The following B4GALT1 variants were observed in gnomAD, a reference collection of about 807,000 sequenced individuals.
B4GALT1 encodes the protein beta-1,4-galactosyltransferase 1, also known as N-acetyllactosamine synthase.
B4GALT1 carries 16 observed loss-of-function variants against 34.9 expected under a neutral mutation model. The observed-to-expected ratio is 0.46, with a 90% confidence interval of 0.31 to 0.70. The LOEUF (loss-of-function observed/expected upper bound fraction) is 0.70. Ranked by LOEUF, B4GALT1 falls within the 30% of genes least tolerant of loss-of-function variation. B4GALT1 has a pLI of 0.05. For synonymous variants in B4GALT1, 221 were observed against 218.1 expected (o/e 1.01, Z -0.12); for missense variants, 445 against 530.5 (o/e 0.84, Z 1.58).
At chr9:33,172,663 A>C in the B4GALT1 span, among the ~76,000 whole-genome samples, 139 of 152,326 alleles carry the variant, frequency 9.1e-4, 1 homozygote, top group African/African-American at 3.2e-3. Context: ...AGCTGGGTGC[A>C]GTGGCTCACG....
At chr9:33,131,008 C>G (rs979530181) in intron 2 of B4GALT1, among the ~76,000 whole-genome samples, 1 of 152,130 alleles carries the variant, frequency 6.6e-6, no homozygotes, top group African/African-American at 2.4e-5. Context: ...CCTCATAACC[C>G]TCCCCACCAA....
At chr9:33,171,617 T>G (rs192924846), upstream of B4GALT1, among the ~76,000 whole-genome samples, 8 of 152,236 alleles carry the variant, frequency 5.3e-5, no homozygotes, top group Non-Finnish European at 8.8e-5. Context: ...TGCAGTGGTG[T>G]GATCATAGGT....
At chr9:33,169,968 ATTTTT>A (rs74178857), upstream of B4GALT1, among the ~76,000 whole-genome samples, 1 of 120,490 alleles carries the variant, frequency 8.3e-6, no homozygotes, top group African/African-American at 3.3e-5. Context: ...CAGCCCCTAG[ATTTTT>A]TTTTTTTTTT....
chr9:33,183,934 G>T, the B4GALT1 span, among the ~76,000 whole-genome samples: 1 of 151,832 alleles, frequency 6.6e-6, no homozygotes, highest in Non-Finnish European at 1.5e-5. Context: ...ACCAAACACC[G>T]CATGTTCTCA....
In B4GALT1 at chr9:33,112,650, CATT is replaced by C. The variant is rs1839880010; in HGVS notation, c.*801_*803del. ...AGAAAAATAAATTGTCATGACTTAACATTAAACAGCTATGCAAATTTGGATCAA... is the reference window on the plus strand; with the variant it reads ...AGAAAAATAAATTGTCATGACTTAACAAACAGCTATGCAAATTTGGATCAA... On this transcript the variant is annotated 3_prime_UTR_variant, in exon 6 of 6. Coordinates refer to ENST00000379731, the MANE Select transcript of B4GALT1 (RefSeq NM_001497.4). The C allele has an allele frequency of 6.6e-6, 1 of 152,510 alleles. No homozygotes were observed. Among genetic ancestry groups the C allele is most frequent in the Non-Finnish European group, 1.5e-5 (1 of 68,018 alleles). 9.4% of individuals were successfully genotyped at this position (152,510 alleles called of 1,614,324 possible).
chr9:33,140,770 C>A (rs1840337593), intron 1 of B4GALT1, among the ~76,000 whole-genome samples: 1 of 152,164 alleles, frequency 6.6e-6, no homozygotes, highest in South Asian at 2.1e-4. Context: ...CTGTACCAAT[C>A]TTCCAAAGGC....
intron 1 of B4GALT1, among the ~76,000 whole-genome samples, chr9:33,146,162 A>G (rs1035175650): frequency 6.6e-6 from 1 of 152,198 alleles, no homozygotes; most frequent in African/African-American, 2.4e-5. Context: ...AAAAATTCCC[A>G]AGAGGAATTT....
intron 1 of B4GALT1, among the ~76,000 whole-genome samples, chr9:33,153,011 C>G (rs577810375): frequency 6.6e-6 from 1 of 152,230 alleles, no homozygotes; most frequent in East Asian, 1.9e-4. Context: ...CCAGCCTGGG[C>G]AACATGGCAA....
chr9:33,146,126 C>G (rs950837667), intron 1 of B4GALT1, among the ~76,000 whole-genome samples: 3 of 152,156 alleles, frequency 2.0e-5, no homozygotes, highest in African/African-American at 7.2e-5. Context: ...TAAACAAGCT[C>G]CCAAGTAGTG....
Position 33,125,189 on chromosome 9 carries a change from TAG to T in B4GALT1, c.649-4585_649-4584del, listed in dbSNP as rs1840073651. On this transcript the variant is annotated intron_variant, in intron 2 of 5. Transcript: ENST00000379731. ...GACAGCAGACAGAATCGACCAGACATAGACTCTGGAGGCGGTGCTGGGAGAGA... is the reference window on the plus strand; with the variant it reads ...GACAGCAGACAGAATCGACCAGACATACTCTGGAGGCGGTGCTGGGAGAGA... 3.9e-5 allele frequency among the ~76,000 whole-genome samples: 6 copies of T among 152,074 alleles called. No individual in the cohort carries two copies. The South Asian group carries it at 1.2e-3, about 32-fold the overall frequency.
At position 33,167,068 on chromosome 9, in the gene B4GALT1, A is replaced by G; in HGVS notation, c.102T>C (p.Leu34=). 1 of 1,603,452 alleles carries G rather than the reference A, an allele frequency of 6.2e-7. No individual in the cohort carries two copies. Among genetic ancestry groups the G allele is most frequent in the Admixed American group, 1.7e-5 (1 of 59,804 alleles). The change falls in exon 1 of 6, where the codon CTT becomes CTC. Residue 34 remains leucine (L), a synonymous_variant. Coordinates refer to ENST00000379731, the MANE Select transcript of B4GALT1 (RefSeq NM_001497.4). ...RLLVAVCALH[L]GVTLVYYLAG... ...CCAGGTAGTAAACGAGGGTGACGCC[A>G]AGGTGCAGAGCGCAGACGGCCACGA...
At chr9:33,115,025 G>A (rs984346521) in intron 4 of B4GALT1, among the ~76,000 whole-genome samples, 1 of 152,156 alleles carries the variant, frequency 6.6e-6, no homozygotes, top group Non-Finnish European at 1.5e-5. Flanking sequence ...GCTTGCTTCT[G>A]TCTGGACCCT....
chr9:33,159,722 T>TG (rs1294945251), intron 1 of B4GALT1, among the ~76,000 whole-genome samples: 1 of 152,232 alleles, frequency 6.6e-6, no homozygotes, highest in Non-Finnish European at 1.5e-5. Context: ...GGGAGAGCTG[T>TG]GCTATATGTT....
At chr9:33,122,356 A>C (rs1840033157) in intron 2 of B4GALT1, among the ~76,000 whole-genome samples, 2 of 151,944 alleles carry the variant, frequency 1.3e-5, no homozygotes, top group Non-Finnish European at 2.9e-5. Context: ...TGCCTCTACA[A>C]AAAATTACAA....
the B4GALT1 span, among the ~76,000 whole-genome samples, chr9:33,181,962 CTTT>C: frequency 1.5e-4 from 22 of 142,222 alleles, no homozygotes; most frequent in Non-Finnish European, 2.1e-4. Context: ...TCTTTTCTTT[CTTT>C]TTTTTTTTTT....
chr9:33,121,216 G>A (rs904551423), intron 2 of B4GALT1, among the ~76,000 whole-genome samples: 2 of 152,122 alleles, frequency 1.3e-5, no homozygotes, highest in Non-Finnish European at 2.9e-5. Context: ...CCCTCACAGT[G>A]CTCACCATGG....
chr9:33,158,507 C>A (rs1240620026), intron 1 of B4GALT1, among the ~76,000 whole-genome samples: 1 of 152,150 alleles, frequency 6.6e-6, no homozygotes, highest in Non-Finnish European at 1.5e-5. Flanking sequence ...TCCTGCCCTG[C>A]TGGTAAAGGT....
At chr9:33,172,264 T>A (rs985047970), upstream of B4GALT1, among the ~76,000 whole-genome samples, 1 of 151,990 alleles carries the variant, frequency 6.6e-6, no homozygotes, top group African/African-American at 2.4e-5. Context: ...CAGAAAAATT[T>A]TGGGGGGTGG....
chr9:33,173,795 C>T, the B4GALT1 span, among the ~76,000 whole-genome samples: 1 of 152,062 alleles, frequency 6.6e-6, no homozygotes, highest in Admixed American at 6.5e-5. Context: ...AACCTGGAAA[C>T]TCTTGTGTCA....
Sources: gnomAD v4.1 joint callset for allele counts (sites outside exome capture counted in the v4.1 genomes callset) on GRCh38, gnomAD v4.1.1 for gene constraint, MANE v1.5 for transcripts, NCBI Gene and HGNC (gene_info 2026-07-23, HGNC 2026-07-21) for gene names.